The following TMEM116 variants were observed in gnomAD, a reference collection of about 807,000 sequenced individuals.
TMEM116 encodes the protein transmembrane protein 116.
A neutral mutation model predicts 44.3 loss-of-function variants in TMEM116; 38 were observed. That is an observed-to-expected ratio of 0.86 (90% CI 0.66 to 1.12). TMEM116 has a LOEUF of 1.12. TMEM116 is among the 50% of genes most tolerant of loss of function. TMEM116 has a pLI of 0.00. For synonymous variants in TMEM116, 132 were observed against 144.8 expected (o/e 0.91, Z 0.64); for missense variants, 354 against 401.7 (o/e 0.88, Z 1.01).
At chr12:111,978,057 G>A (rs2075761198) in intron 4 of TMEM116, among the ~76,000 whole-genome samples, 2 of 149,938 alleles carry the variant, frequency 1.3e-5, no homozygotes, top group African/African-American at 2.5e-5. Context: ...CTTTCAATAT[G>A]ATCTAAATAA....
intron 3 of TMEM116, among the ~76,000 whole-genome samples, chr12:112,001,338 G>A (rs1197807784): frequency 6.6e-6 from 1 of 151,978 alleles, no homozygotes; most frequent in Non-Finnish European, 1.5e-5. Context: ...TTAAGAGATG[G>A]GGTCCTGTTC....
intron 3 of TMEM116, among the ~76,000 whole-genome samples, chr12:111,995,037 GCT>G (rs2076853171): frequency 6.6e-6 from 1 of 152,086 alleles, no homozygotes; most frequent in Non-Finnish European, 1.5e-5. Context: ...CCGTTTATAG[GCT>G]CTCTGCAGGG....
At chr12:111,940,472 T>TACACACACACACAC (rs763389000) in intron 5 of TMEM116, among the ~76,000 whole-genome samples, 1,245 of 97,538 alleles carry the variant, frequency 0.013, 12 homozygotes, top group African/African-American at 0.039. Flanking sequence ...CACATATATA[T>TACACACACACACAC]ATATACATAC....
At chr12:111,955,421 A>T (rs1009662015) in intron 4 of TMEM116, among the ~76,000 whole-genome samples, 7 of 152,188 alleles carry the variant, frequency 4.6e-5, no homozygotes, top group Non-Finnish European at 5.9e-5. Context: ...CTGATCCAAA[A>T]ATTCTACAGG....
chr12:111,934,051 G>T, intron 8 of TMEM116, 21 bp from the exon 9 acceptor site: 1 of 1,611,898 alleles, frequency 6.2e-7, no homozygotes, highest in South Asian at 1.1e-5. Context: ...GTACAGCAGT[G>T]AGCAGTTTGC....
At chr12:111,986,804 G>A (rs1184840314) in intron 4 of TMEM116, among the ~76,000 whole-genome samples, 7 of 152,026 alleles carry the variant, frequency 4.6e-5, no homozygotes, top group Non-Finnish European at 1.0e-4. Context: ...GCAAGACTCT[G>A]TCTCAAATAA....
chr12:111,958,097 C>T (rs1488567185), intron 4 of TMEM116, among the ~76,000 whole-genome samples: 2 of 151,634 alleles, frequency 1.3e-5, no homozygotes, highest in Non-Finnish European at 2.9e-5. Context: ...AGAGTCATCA[C>T]CACTCCCTAA....
In TMEM116 at chr12:111,999,963, T is replaced by C. The variant is rs576049176; in HGVS notation, c.78+3837A>G. On this transcript the variant is annotated intron_variant, in intron 3 of 10. Coordinates refer to ENST00000552374, the MANE Select transcript of TMEM116 (RefSeq NM_001193531.2). ...TGCTCTTGCAGGCTAATATTTATGC[T>C]GCTTTTTTTTGTTTAAAGTCATCAC... Among the ~76,000 whole-genome samples, 3 of 152,362 alleles carry C rather than the reference T, an allele frequency of 2.0e-5. No homozygotes were observed. The South Asian group carries it at 6.2e-4, about 32-fold the overall frequency.
At chr12:111,960,115 A>G (rs537978623) in intron 4 of TMEM116, among the ~76,000 whole-genome samples, 2 of 152,296 alleles carry the variant, frequency 1.3e-5, no homozygotes, top group Admixed American at 6.5e-5. Context: ...ACACTCCTCC[A>G]CAAATGCAAA....
chr12:111,958,864 A>G (rs1209255196), intron 4 of TMEM116, among the ~76,000 whole-genome samples: 1 of 152,206 alleles, frequency 6.6e-6, no homozygotes, highest in African/African-American at 2.4e-5. Context: ...GACCAAATCT[A>G]CGTTTGATTG....
chr12:111,940,552 C>CATATATGTGTAT (rs1565874464), intron 5 of TMEM116, among the ~76,000 whole-genome samples: 1 of 129,476 alleles, frequency 7.7e-6, no homozygotes, highest in African/African-American at 3.1e-5. Context: ...TATACACACA[C>CATATATGTGTAT]ACATATATAT....
At chr12:112,008,150 A>AGCCTGAG (rs1275926336) in intron 1 of TMEM116, among the ~76,000 whole-genome samples, 9 of 152,020 alleles carry the variant, frequency 5.9e-5, no homozygotes, top group African/African-American at 2.2e-4. Flanking sequence ...CACTGCACTC[A>AGCCTGAG]CGCTCCAGCC....
At chr12:111,954,916 G>A (rs2073973632) in intron 4 of TMEM116, among the ~76,000 whole-genome samples, 1 of 152,218 alleles carries the variant, frequency 6.6e-6, no homozygotes, top group South Asian at 2.1e-4. Context: ...ACATAGATCA[G>A]TCAGGGTGGT....
intron 1 of TMEM116, among the ~76,000 whole-genome samples, chr12:112,009,946 C>T (rs763418899): frequency 6.6e-6 from 1 of 152,082 alleles, no homozygotes; most frequent in African/African-American, 2.4e-5. Flanking sequence ...GTTATTTATA[C>T]TGAGAAGTGA....
chr12:111,999,160 T>C (rs2077092236), intron 3 of TMEM116, among the ~76,000 whole-genome samples: 1 of 151,872 alleles, frequency 6.6e-6, no homozygotes, highest in Admixed American at 6.6e-5. Context: ...GCATAAGATA[T>C]GATCCTAAAC....
intron 10 of TMEM116, among the ~76,000 whole-genome samples, chr12:111,932,074 G>GC (rs59836372): frequency 0.099 from 15,068 of 151,890 alleles, 844 homozygotes; most frequent in East Asian, 0.23. Context: ...TAGCTTCAGT[G>GC]CCCCCCCTTA....
chr12:111,953,794 T>C (rs2073903831), intron 4 of TMEM116, among the ~76,000 whole-genome samples: 1 of 152,196 alleles, frequency 6.6e-6, no homozygotes, highest in Non-Finnish European at 1.5e-5. Context: ...TCTATTTCTT[T>C]TAGAGAGTCT....
At chr12:111,999,319 C>T (rs890234145) in intron 3 of TMEM116, among the ~76,000 whole-genome samples, 1 of 151,988 alleles carries the variant, frequency 6.6e-6, no homozygotes, top group African/African-American at 2.4e-5. Flanking sequence ...GTAACTTGGC[C>T]GGGCGCGGTG....
intron 4 of TMEM116, among the ~76,000 whole-genome samples, chr12:111,977,853 A>T (rs1181654339): frequency 2.6e-5 from 4 of 152,132 alleles, no homozygotes; most frequent in Non-Finnish European, 5.9e-5. Flanking sequence ...TTAGATTAGT[A>T]AATGTGTAAG....
Sources: allele counts gnomAD v4.1 joint callset (sites outside exome capture counted in the v4.1 genomes callset), GRCh38; gene constraint gnomAD v4.1.1; transcripts MANE v1.5; gene names NCBI Gene and HGNC (gene_info 2026-07-23, HGNC 2026-07-21).